MAP3K7CL: variants seen among roughly 807,000 people sequenced by gnomAD.
MAP3K7CL encodes MAP3K7 C-terminal like, also known as MAP3K7 C-terminal-like protein.
MAP3K7CL carries 16 observed loss-of-function variants against 18.6 expected under a neutral mutation model. The observed-to-expected ratio is 0.86, with a 90% CI of 0.58 to 1.31. MAP3K7CL has a LOEUF of 1.31. Among genes scored for constraint, MAP3K7CL ranks in the 50% most tolerant of loss-of-function variants. MAP3K7CL has a pLI of 0.00. For synonymous variants in MAP3K7CL, 65 were observed against 66.8 expected, an observed-to-expected ratio of 0.97 and a Z score of 0.13; for missense variants, 163 against 174.4, an observed-to-expected ratio of 0.93 and a Z score of 0.37.
upstream of MAP3K7CL, among the ~76,000 whole-genome samples, chr21:29,126,008 C>T (rs2086674965): frequency 6.6e-6 from 1 of 152,230 alleles, no homozygotes; most frequent in African/African-American, 2.4e-5. Flanking sequence ...AACTTTGGGA[C>T]TTTTGCTTTA....
intron 1 of MAP3K7CL, among the ~76,000 whole-genome samples, chr21:29,131,911 A>T (rs1467930575): frequency 1.3e-5 from 2 of 152,246 alleles, no homozygotes; most frequent in Non-Finnish European, 2.9e-5. Context: ...GAGGAAAGTT[A>T]TGGGAAAAAG....
chr21:29,136,272 C>A lies in MAP3K7CL; in HGVS notation c.70+2858C>A, dbSNP rs141742000. Among the ~76,000 whole-genome samples the A allele has an allele frequency of 9.2e-5, 14 of 152,266 alleles. No individual in the cohort carries two copies. The East Asian group carries it at 2.7e-3, about 29-fold the overall frequency. On this transcript the variant is annotated intron_variant, in intron 2 of 4. Transcript: ENST00000399928. ...AATAAGGAACATGTGGAGTGTCACA[C>A]AGGAAAACACTTGCCATCAAGCGAG...
chr21:29,157,767 T>TA (rs1171794669), intron 3 of MAP3K7CL, among the ~76,000 whole-genome samples: 2 of 152,184 alleles, frequency 1.3e-5, no homozygotes, highest in African/African-American at 4.8e-5. Context: ...TCCCACTTAG[T>TA]AAAAATCATT....
chr21:29,116,921 C>T (rs1205338017), intron 4 of MAP3K7CL, among the ~76,000 whole-genome samples: 1 of 152,014 alleles, frequency 6.6e-6, no homozygotes, highest in African/African-American at 2.4e-5. Context: ...GTACTTAGGC[C>T]ATAAAGGGCC....
At chr21:29,121,598 C>T (rs1015293781) in intron 4 of MAP3K7CL, among the ~76,000 whole-genome samples, 2 of 151,990 alleles carry the variant, frequency 1.3e-5, no homozygotes, top group Admixed American at 6.6e-5. Context: ...AGGAGGATGT[C>T]CAAGTAAAGA....
chr21:29,137,402 T>G (rs1177781873), intron 2 of MAP3K7CL, among the ~76,000 whole-genome samples: 1 of 152,180 alleles, frequency 6.6e-6, no homozygotes. Flanking sequence ...TAAGGCAAGA[T>G]GTTTGGAGAA....
At chr21:29,126,697 G>T (rs548319895), upstream of MAP3K7CL, among the ~76,000 whole-genome samples, 1 of 152,232 alleles carries the variant, frequency 6.6e-6, no homozygotes, top group Non-Finnish European at 1.5e-5. Flanking sequence ...GACCTTAGGT[G>T]ATCCGCCTGC....
At chr21:29,087,807 A>C (rs1175142536) in intron 1 of MAP3K7CL, among the ~76,000 whole-genome samples, 1 of 151,800 alleles carries the variant, frequency 6.6e-6, no homozygotes, top group African/African-American at 2.4e-5. Context: ...GTTAGCCAGG[A>C]TGGTCTCGAT....
At chr21:29,123,058 T>A (rs1399066224) in intron 4 of MAP3K7CL, among the ~76,000 whole-genome samples, 6 of 41,618 alleles carry the variant, frequency 1.4e-4, no homozygotes, top group African/African-American at 3.9e-4. Context: ...AAATGATCTT[T>A]TTTTTTTTTT....
In MAP3K7CL at chr21:29,078,087, T is replaced by C. The variant is rs537042848; in HGVS notation, c.-49+374T>C. 1.8e-3 allele frequency among the ~76,000 whole-genome samples: 274 copies of C among 152,312 alleles called. 2 individuals carry two copies. Among genetic ancestry groups the C allele is most frequent in the Middle Eastern group, 6.8e-3 (2 of 294 alleles). Reference sequence around the variant, plus strand: ...ATGTTTTTGGCTTGTCTATGTGTTTTGATTTTTTTTGTATTATTATTTAAT... The same window carrying C: ...ATGTTTTTGGCTTGTCTATGTGTTTCGATTTTTTTTGTATTATTATTTAAT... On this transcript the variant is annotated intron_variant, in intron 1 of 7. Coordinates refer to the MAP3K7CL transcript ENST00000341618.
chr21:29,171,806 C>CAAAAA (rs34411156), intron 4 of MAP3K7CL, among the ~76,000 whole-genome samples: 27 of 83,060 alleles, frequency 3.3e-4, no homozygotes, highest in Admixed American at 4.1e-4. Context: ...GACTCCATCT[C>CAAAAA]AAAAAAAAAA....
chr21:29,146,577 C>A (rs1238467023), intron 2 of MAP3K7CL, among the ~76,000 whole-genome samples: 5 of 152,194 alleles, frequency 3.3e-5, no homozygotes, highest in Admixed American at 1.3e-4. Context: ...GACTGAATCT[C>A]AGTTCCTCTG....
intron 4 of MAP3K7CL, among the ~76,000 whole-genome samples, chr21:29,160,299 C>A (rs547882013): frequency 1.3e-5 from 2 of 152,272 alleles, no homozygotes; most frequent in African/African-American, 4.8e-5. Context: ...ATTAAAAATG[C>A]CAAAATACCA....
intron 3 of MAP3K7CL, among the ~76,000 whole-genome samples, chr21:29,157,091 A>G (rs774478023): frequency 6.6e-6 from 1 of 152,230 alleles, no homozygotes; most frequent in Admixed American, 6.5e-5. Context: ...GTTTAATGAA[A>G]TAATTTTTTT....
chr21:29,091,477 T>C lies in MAP3K7CL; in HGVS notation c.58-24T>C, dbSNP rs762219439. The C allele has an allele frequency of 3.3e-5, 22 of 663,170 alleles. No individual in the cohort carries two copies. In the East Asian group the frequency reaches 4.1e-4, roughly 12 times the overall value. 41.1% of individuals were successfully genotyped at this position (663,170 alleles called of 1,614,324 possible). A position where few individuals can be genotyped will look rare whatever the true frequency, so the allele number is the denominator to read the frequency against. Reference sequence around the variant, plus strand: ...TGAGTGTACATTTTCTTTTCTTTTTTTCTTTTTTATTTTTTCAATACAGCC... The same window carrying C: ...TGAGTGTACATTTTCTTTTCTTTTTCTCTTTTTTATTTTTTCAATACAGCC... On this transcript the variant is annotated intron_variant, in intron 1 of 6. Transcript: ENST00000286791.
At chr21:29,138,706 G>C (rs942892446) in intron 2 of MAP3K7CL, among the ~76,000 whole-genome samples, 1 of 152,116 alleles carries the variant, frequency 6.6e-6, no homozygotes, top group Admixed American at 6.5e-5. Flanking sequence ...TTCTGGCCAG[G>C]CACGGTGGCT....
intron 4 of MAP3K7CL, among the ~76,000 whole-genome samples, chr21:29,125,337 A>C (rs1417885979): frequency 6.6e-6 from 1 of 152,234 alleles, no homozygotes; most frequent in Non-Finnish European, 1.5e-5. Flanking sequence ...AGGTGGCCTG[A>C]CTTAAATGTT....
chr21:29,152,016 G>A (rs1486934894), intron 3 of MAP3K7CL, among the ~76,000 whole-genome samples: 1 of 152,096 alleles, frequency 6.6e-6, no homozygotes, highest in African/African-American at 2.4e-5. Flanking sequence ...AAGTATGATA[G>A]TGCTTTATCT....
intron 4 of MAP3K7CL, among the ~76,000 whole-genome samples, chr21:29,093,147 G>C (rs953742851): frequency 1.3e-5 from 2 of 152,068 alleles, no homozygotes; most frequent in Admixed American, 6.6e-5. Flanking sequence ...CAAGTGATCC[G>C]CCCGCCTCGT....
Sources: allele counts gnomAD v4.1 joint callset (sites outside exome capture counted in the v4.1 genomes callset), GRCh38; gene constraint gnomAD v4.1.1; transcripts MANE v1.5; gene names NCBI Gene and HGNC (gene_info 2026-07-23, HGNC 2026-07-21).